GRB14: variants seen among roughly 807,000 people sequenced by gnomAD.
GRB14 encodes growth factor receptor-bound protein 14.
A neutral mutation model predicts 69.1 loss-of-function variants in GRB14; 38 were observed. The observed-to-expected ratio is 0.55, with a 90% CI of 0.42 to 0.72. GRB14 has a LOEUF of 0.72. Among genes scored for constraint, GRB14 ranks in the 30% least tolerant of loss-of-function variants. The probability of loss-of-function intolerance (pLI) is 0.00; values close to 1 mark genes in which losing one functional copy is unlikely to be tolerated. For synonymous variants in GRB14, 247 were observed against 241.3 expected, an observed-to-expected ratio of 1.02 and a Z score of -0.22; for missense variants, 666 against 666.1, an observed-to-expected ratio of 1.00 and a Z score of 0.00.
At chr2:164,610,672 A>G (rs1334071381) in intron 2 of GRB14, among the ~76,000 whole-genome samples, 1 of 152,038 alleles carries the variant, frequency 6.6e-6, no homozygotes, top group Non-Finnish European at 1.5e-5. Flanking sequence ...AATTTGTTAA[A>G]TTAGTTTTAA....
intron 6 of GRB14, among the ~76,000 whole-genome samples, chr2:164,516,638 CT>C (rs1436348569): frequency 1.3e-5 from 2 of 152,138 alleles, no homozygotes; most frequent in African/African-American, 2.4e-5. Flanking sequence ...ACTAAGCAGT[CT>C]TTTCCAGACA....
intron 2 of GRB14, among the ~76,000 whole-genome samples, chr2:164,548,102 T>C (rs1341226177): frequency 6.6e-6 from 1 of 152,226 alleles, no homozygotes; most frequent in Non-Finnish European, 1.5e-5. Context: ...GAGCTCTAGA[T>C]GTGTTCATCC....
chr2:164,590,811 C>T (rs1187825367), intron 2 of GRB14, among the ~76,000 whole-genome samples: 1 of 152,142 alleles, frequency 6.6e-6, no homozygotes, highest in African/African-American at 2.4e-5. Context: ...AAAATATTAA[C>T]TCCATTATTT....
At chr2:164,589,848 C>T (rs570233192) in intron 2 of GRB14, among the ~76,000 whole-genome samples, 1 of 152,306 alleles carries the variant, frequency 6.6e-6, no homozygotes, top group South Asian at 2.1e-4. Context: ...ACAAAAGTTT[C>T]TTTCTCACAG....
chr2:164,522,279 C>T (rs535495368), intron 5 of GRB14, among the ~76,000 whole-genome samples, 162 bp from the exon 6 acceptor site: 1 of 152,104 alleles, frequency 6.6e-6, no homozygotes, highest in East Asian at 1.9e-4. Flanking sequence ...TACTGCATTG[C>T]TTTGATAGTC....
chr2:164,574,485 C>G (rs1404385494), intron 2 of GRB14, among the ~76,000 whole-genome samples: 1 of 152,086 alleles, frequency 6.6e-6, no homozygotes, highest in Non-Finnish European at 1.5e-5. Context: ...ATCCGCCCAC[C>G]TTGGCCTCCC....
chr2:164,619,001 C>G (rs982841477), intron 2 of GRB14, among the ~76,000 whole-genome samples: 1 of 152,058 alleles, frequency 6.6e-6, no homozygotes, highest in African/African-American at 2.4e-5. Context: ...TATTTTTTTC[C>G]CCTCCAAATG....
chr2:164,572,763 C>T (rs145910938), intron 2 of GRB14, among the ~76,000 whole-genome samples: 108 of 152,280 alleles, frequency 7.1e-4, no homozygotes, highest in African/African-American at 2.6e-3. Context: ...TTCTCTCTGA[C>T]CATCTCAGTG....
chr2:164,595,012 T>G (rs1234386507), intron 2 of GRB14, among the ~76,000 whole-genome samples: 1 of 152,162 alleles, frequency 6.6e-6, no homozygotes, highest in African/African-American at 2.4e-5. Flanking sequence ...CAGACAATAT[T>G]AGACCCATTA....
At chr2:164,574,074 G>C in intron 2 of GRB14, 2 of 984,230 alleles carry the variant, frequency 2.0e-6, no homozygotes, top group South Asian at 2.7e-5. Context: ...GGTAAATTCA[G>C]AAACTCTGGT....
intron 6 of GRB14, among the ~76,000 whole-genome samples, chr2:164,516,025 AT>A (rs1323607803): frequency 6.6e-6 from 1 of 151,890 alleles, no homozygotes; most frequent in Non-Finnish European, 1.5e-5. Context: ...CAAAAAAAAA[AT>A]AATTTAAAAG....
chr2:164,571,791 A>C (rs999960476), intron 2 of GRB14, among the ~76,000 whole-genome samples: 1 of 152,342 alleles, frequency 6.6e-6, no homozygotes, highest in East Asian at 1.9e-4. Context: ...CCAAGTTCAC[A>C]AAGTCCATAG....
chr2:164,606,595 C>T (rs1690046758), intron 2 of GRB14, among the ~76,000 whole-genome samples: 1 of 152,022 alleles, frequency 6.6e-6, no homozygotes, highest in Admixed American at 6.6e-5. Flanking sequence ...TGTAAAGGGC[C>T]CCTTAGGCTT....
intron 3 of GRB14, among the ~76,000 whole-genome samples, chr2:164,538,807 TTCTC>T (rs2105301481): frequency 6.6e-6 from 1 of 152,320 alleles, no homozygotes; most frequent in African/African-American, 2.4e-5. Context: ...TTTAGCATGA[TTCTC>T]TCTCGCTCAG....
chr2:164,573,609 T>C, intron 2 of GRB14: 1 of 1,311,684 alleles, frequency 7.6e-7, no homozygotes, highest in Non-Finnish European at 1.0e-6. Context: ...ATAATAGTTT[T>C]ATTATTTCAT....
chr2:164,516,278 C>T (rs1687483486), intron 6 of GRB14, among the ~76,000 whole-genome samples: 1 of 151,916 alleles, frequency 6.6e-6, no homozygotes, highest in Non-Finnish European at 1.5e-5. Context: ...TATCCAAAGC[C>T]TAGTCAAAGG....
chr2:164,513,083 C>T (rs1223345802), intron 6 of GRB14, among the ~76,000 whole-genome samples: 2 of 151,750 alleles, frequency 1.3e-5, no homozygotes, highest in Non-Finnish European at 2.9e-5. Flanking sequence ...ATCTTGTGGC[C>T]CCTCTCTCTC....
intron 2 of GRB14, among the ~76,000 whole-genome samples, chr2:164,606,299 G>A (rs1031341969): frequency 1.3e-5 from 2 of 151,994 alleles, no homozygotes; most frequent in Non-Finnish European, 2.9e-5. Context: ...CATTTGCCAC[G>A]ACACAATACC....
At chr2:164,588,439 A>T (rs973188796) in intron 2 of GRB14, among the ~76,000 whole-genome samples, 1 of 152,206 alleles carries the variant, frequency 6.6e-6, no homozygotes, top group African/African-American at 2.4e-5. Context: ...TGTTTCTGCC[A>T]GTGGTCACAG....
Sources: gnomAD v4.1 joint callset for allele counts (sites outside exome capture counted in the v4.1 genomes callset) on GRCh38, gnomAD v4.1.1 for gene constraint, MANE v1.5 for transcripts, NCBI Gene and HGNC (gene_info 2026-07-23, HGNC 2026-07-21) for gene names.